The following METTL9 variants were observed in gnomAD, a reference collection of about 807,000 sequenced individuals.
METTL9 encodes the protein protein-L-histidine N-pros-methyltransferase.
In METTL9, 10 loss-of-function variants were observed where a neutral mutation model predicts 36.0. That is an observed-to-expected ratio of 0.28 (90% CI 0.17 to 0.47). The LOEUF (loss-of-function observed/expected upper bound fraction) is 0.47. Among genes scored for constraint, METTL9 ranks in the 20% least tolerant of loss-of-function variants. The pLI, the probability that METTL9 is intolerant of heterozygous loss-of-function variation, is 0.99. For missense variants in METTL9, 246 were observed against 383.5 expected, an observed-to-expected ratio of 0.64 and a Z score of 3.00; for synonymous variants, 175 against 149.7, an observed-to-expected ratio of 1.17 and a Z score of -1.23.
intron 2 of METTL9, 53 bp downstream of exon 2, chr16:21,612,888 G>A: frequency 6.9e-7 from 1 of 1,444,248 alleles, no homozygotes; most frequent in Admixed American, 2.5e-5. Flanking sequence ...TTTACAAAAG[G>A]AAAAACACAA....
chr16:21,623,922 C>T (rs980330833), intron 3 of METTL9, among the ~76,000 whole-genome samples: 4 of 152,094 alleles, frequency 2.6e-5, no homozygotes, highest in African/African-American at 9.7e-5. Context: ...AGGCACGCGC[C>T]ACCACACCCA....
chr16:21,633,499 T>C (rs1195420704), intron 4 of METTL9, among the ~76,000 whole-genome samples: 2 of 152,100 alleles, frequency 1.3e-5, no homozygotes, highest in African/African-American at 4.8e-5. Context: ...GGATGTGTGG[T>C]CTGTGGGATC....
chr16:21,612,509 C>T lies in METTL9; in HGVS notation c.166-136C>T, dbSNP rs1461160496. Reference sequence around the variant, plus strand: ...TATATGAGTATACGAAATGATTATTCTCAGAGTATCATGAGATGGTAATAT... The same window carrying T: ...TATATGAGTATACGAAATGATTATTTTCAGAGTATCATGAGATGGTAATAT... On this transcript the variant is annotated intron_variant, in intron 1 of 4. Coordinates refer to ENST00000358154, the MANE Select transcript of METTL9 (RefSeq NM_016025.5). 3.9e-6 allele frequency: 3 copies of T among 768,090 alleles called. No individual in the cohort carries two copies. In the African/African-American group the frequency reaches 5.5e-5, roughly 14 times the overall value. 47.6% of individuals were successfully genotyped at this position (768,090 alleles called of 1,614,324 possible). A position where few individuals can be genotyped will look rare whatever the true frequency, so the allele number is the denominator to read the frequency against.
chr16:21,602,014 G>A (rs1253766122), intron 1 of METTL9, among the ~76,000 whole-genome samples: 2 of 152,124 alleles, frequency 1.3e-5, no homozygotes, highest in African/African-American at 4.8e-5. Flanking sequence ...GGCTGGAGTT[G>A]ATAATTTGTT....
In METTL9 at chr16:21,606,030, A is replaced by C. The variant is rs1482861504; in HGVS notation, c.165+6132A>C. 2.0e-5 allele frequency among the ~76,000 whole-genome samples: 3 copies of C among 152,066 alleles called. No homozygotes were observed. The East Asian group carries it at 5.8e-4, about 29-fold the overall frequency. On this transcript the variant is annotated intron_variant, in intron 1 of 4. Transcript: ENST00000358154. Reference sequence around the variant, plus strand: ...ACCCCACCCCCTAATTTCCTATAATAGAATGACTCATAGAACTTAGGAAAA... The same window carrying C: ...ACCCCACCCCCTAATTTCCTATAATCGAATGACTCATAGAACTTAGGAAAA...
intron 4 of METTL9, chr16:21,627,688 C>G (rs1449999125): frequency 6.6e-6 from 1 of 152,186 alleles, no homozygotes; most frequent in African/African-American, 2.4e-5. Flanking sequence ...GTGGCTCATG[C>G]TTGTAATCCC....
chr16:21,655,396 T>C lies in METTL9; in HGVS notation c.921T>C (p.Val307=). Reference sequence around the variant, plus strand: ...GCGACATGTATAATGACTACTACGTTCTGGATGACGCTGTCTTTGTTCTCA... The same window carrying C: ...GCGACATGTATAATGACTACTACGTCCTGGATGACGCTGTCTTTGTTCTCA... The part of the protein sequence containing the change: ...CEGDMYNDYY[V]LDDAVFVLKP... Residue 307 remains valine (V), a synonymous_variant, in exon 5 of 5, where the codon GTT becomes GTC. Coordinates refer to ENST00000358154, the MANE Select transcript of METTL9 (RefSeq NM_016025.5). 1 of 1,614,168 alleles carries C rather than the reference T, an allele frequency of 6.2e-7. No homozygotes were observed. Among genetic ancestry groups the C allele is most frequent in the Non-Finnish European group, 8.5e-7 (1 of 1,180,018 alleles).
At chr16:21,633,739 C>T (rs1966019868) in intron 4 of METTL9, among the ~76,000 whole-genome samples, 1 of 152,202 alleles carries the variant, frequency 6.6e-6, no homozygotes, top group Non-Finnish European at 1.5e-5. Flanking sequence ...TGAGGTGTTT[C>T]AGGGACTGCT....
intron 2 of METTL9, among the ~76,000 whole-genome samples, chr16:21,613,338 C>T (rs1293592290): frequency 6.6e-6 from 1 of 151,768 alleles, no homozygotes; most frequent in African/African-American, 2.4e-5. Context: ...TGTGCACCAC[C>T]ACACCTGTCT....
upstream of METTL9, chr16:21,599,443 A>G: frequency 8.8e-7 from 1 of 1,138,088 alleles, no homozygotes; most frequent in Non-Finnish European, 1.1e-6. The surrounding 1 kb of genome is among the most constrained non-coding windows in gnomAD (Gnocchi z 4.4). Context: ...CGCTCATTGG[A>G]CGGAGGGAGG....
intron 1 of METTL9, among the ~76,000 whole-genome samples, chr16:21,611,056 G>A (rs893372416): frequency 2.6e-5 from 4 of 152,054 alleles, no homozygotes; most frequent in African/African-American, 9.7e-5. Flanking sequence ...GGGAAAAAAT[G>A]TAGGCAGTGA....
chr16:21,617,915 G>A lies in METTL9; in HGVS notation c.407G>A (p.Arg136Lys), dbSNP rs1965595134. 5.6e-6 allele frequency: 9 copies of A among 1,613,958 alleles called. No homozygotes were observed. The highest frequency in any genetic ancestry group is 6.8e-6 in the Non-Finnish European group (8 of 1,179,998). The change falls in exon 3 of 5, where the codon AGA becomes AAA. Residue 136 changes from arginine to lysine, a missense_variant. Around this residue, in one of 2 missense-constraint regions of METTL9, gnomAD observed 146 missense variants for 302.1 expected, o/e 0.48. Transcript: ENST00000358154. ...MFVFSPDQFQ[R>K]LLKINPDWKT... ...GTGTTTTCACCAGATCAGTTTCAGA[G>A]ACTGCTTAAAATTAATCCAGACTGG...
intron 4 of METTL9, chr16:21,646,397 A>G (rs1966430723): frequency 6.6e-6 from 1 of 152,186 alleles, no homozygotes; most frequent in Non-Finnish European, 1.5e-5. Flanking sequence ...TCCATGTTGC[A>G]TAGTTTCTGT....
At chr16:21,636,563 C>A (rs1244264402) in intron 4 of METTL9, among the ~76,000 whole-genome samples, 1 of 152,182 alleles carries the variant, frequency 6.6e-6, no homozygotes, top group Non-Finnish European at 1.5e-5. Context: ...GCTTGGGCGA[C>A]ATTGAGAGTT....
intron 4 of METTL9, among the ~76,000 whole-genome samples, chr16:21,643,899 T>C (rs994180920): frequency 3.3e-5 from 5 of 152,208 alleles, no homozygotes; most frequent in African/African-American, 1.2e-4. Flanking sequence ...TTAAGGCGGC[T>C]TTTAGTTTCT....
At chr16:21,617,758 A>G in intron 2 of METTL9, 107 bp from the exon 3 acceptor site, 1 of 1,001,256 alleles carries the variant, frequency 1.0e-6, no homozygotes, top group South Asian at 1.4e-5. Context: ...CCATGTAATA[A>G]GTGATTATGG....
chr16:21,635,306 C>G (rs1039926938), intron 4 of METTL9, among the ~76,000 whole-genome samples: 7 of 152,058 alleles, frequency 4.6e-5, no homozygotes, highest in African/African-American at 1.4e-4. Flanking sequence ...AACCGATAGC[C>G]TGGGGAGGTT....
At chr16:21,642,401 T>TA (rs1411860467) in intron 4 of METTL9, 1 of 152,184 alleles carries the variant, frequency 6.6e-6, no homozygotes. Context: ...CCATAAATTT[T>TA]AAAAAATAAA....
chr16:21,621,088 GCCT>G (rs994284443), intron 3 of METTL9, among the ~76,000 whole-genome samples: 8 of 152,084 alleles, frequency 5.3e-5, no homozygotes, highest in Non-Finnish European at 1.2e-4. Context: ...TCTCACCTCA[GCCT>G]CCTCAGTAGC....
Sources: allele counts gnomAD v4.1 joint callset (sites outside exome capture counted in the v4.1 genomes callset), GRCh38; gene constraint gnomAD v4.1.1; regional missense constraint gnomAD v4.1.1; non-coding constraint Gnocchi (gnomAD v3.1); transcripts MANE v1.5; gene names NCBI Gene and HGNC (gene_info 2026-07-23, HGNC 2026-07-21).